Variants in CDYL2 observed in about 807,000 individuals in gnomAD.
The protein encoded by CDYL2 is chromodomain Y like 2.
A neutral mutation model predicts 49.4 loss-of-function variants in CDYL2; 23 were observed. The observed-to-expected ratio is 0.47, with a 90% CI of 0.34 to 0.66. CDYL2 has a LOEUF of 0.66. Ranked by LOEUF, CDYL2 falls within the 30% of genes least tolerant of loss-of-function variation. The probability of loss-of-function intolerance (pLI) is 0.01; values close to 1 mark genes in which losing one functional copy is unlikely to be tolerated. For synonymous variants in CDYL2, 360 were observed against 268.8 expected, an observed-to-expected ratio of 1.34 and a Z score of -3.32; for missense variants, 678 against 656.4, an observed-to-expected ratio of 1.03 and a Z score of -0.36.
chr16:80,744,474 G>A (rs1905856648), intron 1 of CDYL2, among the ~76,000 whole-genome samples: 4 of 139,486 alleles, frequency 2.9e-5, no homozygotes, highest in Non-Finnish European at 6.4e-5. Flanking sequence ...AAGCAACAAG[G>A]TGATGACCAA....
At chr16:80,786,519 G>A (rs774030803) in intron 1 of CDYL2, among the ~76,000 whole-genome samples, 3 of 152,224 alleles carry the variant, frequency 2.0e-5, no homozygotes, top group Non-Finnish European at 2.9e-5. Context: ...GTCGATGGGA[G>A]TGTAAATCAG....
chr16:80,658,990 GTAATAGA>G (rs924890106), intron 2 of CDYL2, among the ~76,000 whole-genome samples: 5 of 152,294 alleles, frequency 3.3e-5, no homozygotes, highest in African/African-American at 1.2e-4. Flanking sequence ...AATAATGGCA[GTAATAGA>G]TTATAAACTG....
At chr16:80,710,013 C>T (rs1298414047) in intron 1 of CDYL2, among the ~76,000 whole-genome samples, 3 of 152,052 alleles carry the variant, frequency 2.0e-5, no homozygotes, top group African/African-American at 4.8e-5. Context: ...CTGCAACCTC[C>T]GCCTTCCTGT....
intron 1 of CDYL2, among the ~76,000 whole-genome samples, chr16:80,703,257 G>C (rs866277441): frequency 1.3e-5 from 2 of 152,146 alleles, no homozygotes; most frequent in African/African-American, 4.8e-5. Context: ...TTCATGAACA[G>C]ATAAATATAT....
intron 1 of CDYL2, among the ~76,000 whole-genome samples, chr16:80,722,470 G>A (rs1905029317): frequency 6.6e-6 from 1 of 152,206 alleles, no homozygotes; most frequent in African/African-American, 2.4e-5. Context: ...CAGCTCCTCT[G>A]GATGAGACAC....
chr16:80,788,963 A>G (rs1430440202), intron 1 of CDYL2, among the ~76,000 whole-genome samples: 1 of 152,358 alleles, frequency 6.6e-6, no homozygotes, highest in East Asian at 1.9e-4. Context: ...GGCAAAGGAC[A>G]TGACCAGACA....
intron 1 of CDYL2, among the ~76,000 whole-genome samples, chr16:80,754,141 G>A (rs528301699): frequency 1.4e-4 from 21 of 152,222 alleles, no homozygotes; most frequent in South Asian, 6.2e-4. Flanking sequence ...ACTTTGCAAC[G>A]TGTGCCCAAG....
rs1350554389 is a variant in CDYL2, at chr16:80,601,110, G to T, written c.*3278C>A. The T allele has an allele frequency of 6.6e-6, 1 of 152,162 alleles. No individual in the cohort carries two copies. The allele number at this position is 152,162 out of a possible 1,614,324, so 9.4% of individuals were successfully genotyped here. A position where few individuals can be genotyped will look rare whatever the true frequency, so the allele number is the denominator to read the frequency against. ...CAGACATTATTTCTATGCCGGAAGG[G>T]GCACATTAAGTACATCAGCATTAGG... On this transcript the variant is annotated 3_prime_UTR_variant, in exon 7 of 7. Coordinates refer to ENST00000570137, the MANE Select transcript of CDYL2 (RefSeq NM_152342.4).
intron 2 of CDYL2, among the ~76,000 whole-genome samples, chr16:80,681,216 T>C (rs1319301600): frequency 6.6e-6 from 1 of 152,100 alleles, no homozygotes; most frequent in Non-Finnish European, 1.5e-5. Context: ...AAACAAATGC[T>C]GTGCAACTGC....
At chr16:80,747,055 T>G (rs2142558584) in intron 1 of CDYL2, among the ~76,000 whole-genome samples, 1 of 152,296 alleles carries the variant, frequency 6.6e-6, no homozygotes, top group African/African-American at 2.4e-5. Flanking sequence ...GAGGGTTGGC[T>G]GCCATTTATC....
At chr16:80,716,879 C>CTGGATGGA (rs529478035) in intron 1 of CDYL2, among the ~76,000 whole-genome samples, 1 of 147,108 alleles carries the variant, frequency 6.8e-6, no homozygotes, top group Non-Finnish European at 1.5e-5. Context: ...GGATGGATGA[C>CTGGATGGA]TGGATGGATG....
chr16:80,792,238 C>A lies in CDYL2; in HGVS notation c.24+11912G>T, dbSNP rs566560345. ...CAAATGTCCAAGACTTGGCAATCAT[C>A]CATACAATCACTATAGTACAATGAA... On this transcript the variant is annotated intron_variant, in intron 1 of 6. Coordinates refer to ENST00000570137, the MANE Select transcript of CDYL2 (RefSeq NM_152342.4). Among the ~76,000 whole-genome samples the A allele has an allele frequency of 1.9e-4, 29 of 152,244 alleles. No individual in the cohort carries two copies. In the South Asian group the frequency reaches 5.6e-3, roughly 29 times the overall value.
intron 1 of CDYL2, among the ~76,000 whole-genome samples, chr16:80,750,767 C>T (rs1376278410): frequency 1.3e-5 from 2 of 152,188 alleles, no homozygotes; most frequent in Non-Finnish European, 2.9e-5. Context: ...CGCCCGTAAT[C>T]CCAGCACTTT....
chr16:80,757,079 C>G (rs909125928), intron 1 of CDYL2, among the ~76,000 whole-genome samples: 1 of 152,054 alleles, frequency 6.6e-6, no homozygotes, highest in Non-Finnish European at 1.5e-5. Context: ...AAAATGCTAG[C>G]CTACCAAACA....
intron 1 of CDYL2, among the ~76,000 whole-genome samples, chr16:80,778,080 G>C (rs1004317009): frequency 6.6e-6 from 1 of 151,964 alleles, no homozygotes; most frequent in Non-Finnish European, 1.5e-5. Context: ...ACTCCAGTAA[G>C]TATCAAAAAT....
chr16:80,782,974 C>T (rs1907321662), intron 1 of CDYL2, among the ~76,000 whole-genome samples: 6 of 152,070 alleles, frequency 3.9e-5, no homozygotes, highest in Admixed American at 3.9e-4. Flanking sequence ...TTCTGTTTAA[C>T]ACAGTACTGG....
intron 1 of CDYL2, among the ~76,000 whole-genome samples, chr16:80,773,756 G>C (rs532689532): frequency 6.6e-6 from 1 of 151,976 alleles, no homozygotes; most frequent in Non-Finnish European, 1.5e-5. Context: ...ATTAAAACTC[G>C]TATGACATAC....
intron 2 of CDYL2, among the ~76,000 whole-genome samples, chr16:80,647,374 G>C (rs1178644246): frequency 2.0e-5 from 3 of 152,072 alleles, no homozygotes; most frequent in Non-Finnish European, 2.9e-5. Flanking sequence ...ATATGGAACT[G>C]TGAAAGACCC....
intron 1 of CDYL2, among the ~76,000 whole-genome samples, chr16:80,696,770 C>T (rs1342025999): frequency 6.6e-6 from 1 of 151,346 alleles, no homozygotes; most frequent in African/African-American, 2.4e-5. Context: ...GATGGCTTTA[C>T]TGCTGAATTC....
Sources: gnomAD v4.1 joint callset for allele counts (sites outside exome capture counted in the v4.1 genomes callset) on GRCh38, gnomAD v4.1.1 for gene constraint, MANE v1.5 for transcripts, NCBI Gene and HGNC (gene_info 2026-07-23, HGNC 2026-07-21) for gene names.